Variants in MPRIP observed in about 807,000 individuals in gnomAD.
MPRIP encodes the protein myosin phosphatase Rho interacting protein, also known as myosin phosphatase Rho-interacting protein.
A neutral mutation model predicts 234.9 loss-of-function variants in MPRIP; 59 were observed. The observed-to-expected ratio is 0.25, with a 90% CI of 0.20 to 0.31. The LOEUF (loss-of-function observed/expected upper bound fraction) is 0.31. MPRIP is among the 10% of genes least tolerant of loss of function. The probability of loss-of-function intolerance (pLI) is 1.00; values close to 1 mark genes in which losing one functional copy is unlikely to be tolerated. For synonymous variants in MPRIP, 1,144 were observed against 1,263.9 expected, an observed-to-expected ratio of 0.91 and a Z score of 2.01; for missense variants, 2,436 against 3,071.0, an observed-to-expected ratio of 0.79 and a Z score of 4.89.
chr17:17,139,401 T>C (rs1333923975), intron 7 of MPRIP, among the ~76,000 whole-genome samples: 1 of 152,200 alleles, frequency 6.6e-6, no homozygotes, highest in Middle Eastern at 3.2e-3. Flanking sequence ...ACAGTATTCT[T>C]CCCAGAAGAG....
Position 17,161,316 on chromosome 17 carries a change from T to G in MPRIP, c.2477T>G (p.Leu826Arg). ...CTGCAGGACCAGCTGAGGGTGGCCC[T>G]GGGCCGGGAGCAGAGCGCCCGTGAG... Reference protein sequence around the residue: ...RLLQDQLRVALGREQSAREGY... With the variant: ...RLLQDQLRVARGREQSAREGY... Residue 826 changes from leucine to arginine, a missense_variant, in exon 15 of 24, where the codon CTG becomes CGG. This residue lies in a region of MPRIP where 1,998 missense variants were observed against 2,520.3 expected (regional missense o/e 0.79). Transcript: ENST00000651222. 1 of 1,593,128 alleles carries G rather than the reference T, an allele frequency of 6.3e-7. No individual in the cohort carries two copies. The highest frequency in any genetic ancestry group is 8.6e-7 in the Non-Finnish European group (1 of 1,167,574).
intron 16 of MPRIP, among the ~76,000 whole-genome samples, chr17:17,169,447 A>G (rs1450958425): frequency 6.6e-6 from 1 of 152,208 alleles, no homozygotes; most frequent in Non-Finnish European, 1.5e-5. Context: ...TGCAGGTGCC[A>G]TTATACCAAC....
chr17:17,079,956 G>A (rs140056560), intron 3 of MPRIP, among the ~76,000 whole-genome samples: 13 of 152,334 alleles, frequency 8.5e-5, no homozygotes, highest in African/African-American at 2.9e-4. Flanking sequence ...TATGAGTTGC[G>A]TATTATTTCA....
At chr17:17,132,909 A>G (rs1004568915) in intron 5 of MPRIP, among the ~76,000 whole-genome samples, 2 of 152,220 alleles carry the variant, frequency 1.3e-5, no homozygotes, top group African/African-American at 2.4e-5. Context: ...TCCCAGTTGG[A>G]GAGAAACAAA....
intron 22 of MPRIP, among the ~76,000 whole-genome samples, chr17:17,177,987 C>T (rs2046292939): frequency 6.8e-6 from 1 of 147,044 alleles, no homozygotes; most frequent in Non-Finnish European, 1.5e-5. Context: ...AATGCAATGG[C>T]GTGATTTCAC....
intron 3 of MPRIP, among the ~76,000 whole-genome samples, chr17:17,109,795 G>A (rs143057852): frequency 6.6e-6 from 1 of 152,290 alleles, no homozygotes; most frequent in Non-Finnish European, 1.5e-5. Flanking sequence ...GGTACATGAA[G>A]CACCTTGCAA....
In MPRIP at chr17:17,166,312, C is replaced by T. The variant is rs554407237; in HGVS notation, c.4721C>T (p.Ser1574Leu). 2.4e-5 allele frequency: 31 copies of T among 1,304,370 alleles called. No individual in the cohort carries two copies. Among genetic ancestry groups the T allele is most frequent in the Non-Finnish European group, 3.1e-5 (31 of 989,038 alleles). 80.8% of individuals were successfully genotyped at this position (1,304,370 alleles called of 1,614,324 possible). A position where few individuals can be genotyped will look rare whatever the true frequency, so the allele number is the denominator to read the frequency against. The change falls in exon 16 of 24, where the codon TCG becomes TTG. Residue 1574 changes from serine to leucine, a missense_variant. This residue lies in a region of MPRIP where 1,998 missense variants were observed against 2,520.3 expected (regional missense o/e 0.79). Coordinates refer to ENST00000651222, the MANE Select transcript of MPRIP (RefSeq NM_001364716.4). The surrounding 1 kb of genome is among the most constrained non-coding windows in gnomAD (Gnocchi z 4.4). Reference protein sequence around the residue: ...LLSDQIALEASLISQIADSLK... With the variant: ...LLSDQIALEALLISQIADSLK... ...TCTGACCAGATTGCTCTGGAGGCCT[C>T]GCTGATCAGCCAGATAGCAGATTCC...
chr17:17,109,838 A>C, intron 3 of MPRIP, among the ~76,000 whole-genome samples: 1 of 152,230 alleles, frequency 6.6e-6, no homozygotes, highest in East Asian at 1.9e-4. Flanking sequence ...GCACAGGTGC[A>C]CATGCGGATG....
chr17:17,118,408 A>G (rs1017726976), intron 3 of MPRIP, among the ~76,000 whole-genome samples: 17 of 152,178 alleles, frequency 1.1e-4, no homozygotes, highest in Non-Finnish European at 4.4e-5. Context: ...GGACACCTGA[A>G]GGGTGGGGAA....
At position 17,189,897 on chromosome 17, in the gene MPRIP, CAA is replaced by C. The variant is rs1369516645; in HGVS notation, c.*5006_*5007del. On this transcript the variant is annotated 3_prime_UTR_variant, in exon 24 of 24. Transcript: ENST00000651222. ...AGTGAGCGAAGGTTCTCAGTGCTGG[CAA>C]AAGAGCCCACTTTCTAAAAGGACTT... 6.6e-6 allele frequency: 1 copy of C among 152,210 alleles called. No homozygotes were observed. The highest frequency in any genetic ancestry group is 1.5e-5 in the Non-Finnish European group (1 of 68,044). 9.4% of individuals were successfully genotyped at this position (152,210 alleles called of 1,614,324 possible).
At chr17:17,057,531 G>A (rs1157615749) in intron 1 of MPRIP, 3 of 706,614 alleles carry the variant, frequency 4.2e-6, no homozygotes, top group Non-Finnish European at 7.9e-6. Flanking sequence ...GGCCCACAGA[G>A]CCCCACAGTG....
chr17:17,077,086 C>T (rs117011520), intron 2 of MPRIP: 2,651 of 152,056 alleles, frequency 0.017, 43 homozygotes, highest in Non-Finnish European at 0.027. Context: ...GGGCTACAGG[C>T]GTGCATCACC....
intron 1 of MPRIP, among the ~76,000 whole-genome samples, chr17:17,062,536 G>A (rs768132946): frequency 6.6e-6 from 1 of 152,222 alleles, no homozygotes; most frequent in Non-Finnish European, 1.5e-5. Flanking sequence ...GGCCTTGAGT[G>A]GTGCCAGCTT....
intron 3 of MPRIP, among the ~76,000 whole-genome samples, chr17:17,102,396 A>G (rs916323238): frequency 2.0e-5 from 3 of 152,216 alleles, no homozygotes; most frequent in African/African-American, 4.8e-5. Flanking sequence ...CTGCCCCTTC[A>G]GTGCTGAGAC....
At chr17:17,104,093 G>A (rs1001202440) in intron 3 of MPRIP, among the ~76,000 whole-genome samples, 1 of 152,200 alleles carries the variant, frequency 6.6e-6, no homozygotes, top group African/African-American at 2.4e-5. Flanking sequence ...ATATTCATGT[G>A]ACACAGACAC....
At chr17:17,128,315 G>A (rs1212835397) in intron 4 of MPRIP, among the ~76,000 whole-genome samples, 1 of 152,170 alleles carries the variant, frequency 6.6e-6, no homozygotes, top group Non-Finnish European at 1.5e-5. Context: ...GCAAGCTGGG[G>A]AGTGTCTGGA....
intron 3 of MPRIP, among the ~76,000 whole-genome samples, chr17:17,126,175 C>T (rs1372403655): frequency 6.6e-6 from 1 of 152,190 alleles, no homozygotes; most frequent in Non-Finnish European, 1.5e-5. Flanking sequence ...CTTTGCTGGG[C>T]TCTGCTATGG....
Position 17,082,285 on chromosome 17 carries a change from A to ATTTTTTTTT in MPRIP, c.267+4228_267+4236dup, listed in dbSNP as rs71355536. Among the ~76,000 whole-genome samples the ATTTTTTTTT allele has an allele frequency of 3.3e-4, 29 of 88,706 alleles. 2 individuals are homozygous for ATTTTTTTTT. The highest frequency in any genetic ancestry group is 1.2e-3 in the African/African-American group (25 of 21,738). 58.2% of individuals were successfully genotyped at this position (88,706 alleles called of 152,430 possible). A position where few individuals can be genotyped will look rare whatever the true frequency, so the allele number is the denominator to read the frequency against. ...AAAAGCTGATCAAATGCTTTTTCCAATTTTTTTTTTTTTTTTTTTTTTTTT... is the reference window on the plus strand; with the variant it reads ...AAAAGCTGATCAAATGCTTTTTCCAATTTTTTTTTTTTTTTTTTTTTTTTTTTTTTTTTT... On this transcript the variant is annotated intron_variant, in intron 3 of 23. Coordinates refer to ENST00000651222, the MANE Select transcript of MPRIP (RefSeq NM_001364716.4).
In MPRIP at chr17:17,167,442, G is replaced by A. The variant is rs1465754037; in HGVS notation, c.5851G>A (p.Glu1951Lys). 5 of 1,304,150 alleles carry A rather than the reference G, an allele frequency of 3.8e-6. No homozygotes were observed. Among genetic ancestry groups the A allele is most frequent in the Admixed American group, 2.3e-5 (1 of 43,558 alleles). The allele number at this position is 1,304,150 out of a possible 1,614,324, so 80.8% of individuals were successfully genotyped here. The change falls in exon 16 of 24, where the codon GAG becomes AAG. Residue 1951 changes from glutamate to lysine, a missense_variant. Transcript: ENST00000651222. The surrounding 1 kb of genome is among the most constrained non-coding windows in gnomAD (Gnocchi z 5.9). ...MFTLRGRYEE[E>K]IRCVVEQLTR... is the part of the protein sequence containing the mutation. ...CACCCTGCGGGGCAGGTATGAGGAG[G>A]AGATTCGGTGTGTGGTGGAGCAGCT...
Sources: gnomAD v4.1 joint callset for allele counts (sites outside exome capture counted in the v4.1 genomes callset) on GRCh38, gnomAD v4.1.1 for gene constraint, gnomAD v4.1.1 regional missense constraint, Gnocchi (gnomAD v3.1) non-coding constraint, MANE v1.5 for transcripts, NCBI Gene and HGNC (gene_info 2026-07-23, HGNC 2026-07-21) for gene names.